The following RRAS2 variants were observed in gnomAD, a reference collection of about 807,000 sequenced individuals.
RRAS2 encodes the protein ras-related protein R-Ras2.
RRAS2 carries 7 observed loss-of-function variants against 27.6 expected under a neutral mutation model. The ratio of observed to expected loss-of-function variants is 0.25; its 90% CI spans 0.14 to 0.48. RRAS2 has a LOEUF of 0.48. Among genes scored for constraint, RRAS2 ranks in the 20% least tolerant of loss-of-function variants. The probability of loss-of-function intolerance (pLI) is 0.99; values close to 1 mark genes in which losing one functional copy is unlikely to be tolerated. For synonymous variants in RRAS2, 86 were observed against 90.9 expected (o/e 0.95, Z 0.31); for missense variants, 178 against 256.2 (o/e 0.69, Z 2.08).
chr11:14,319,658 G>A (rs1181899402), intron 1 of RRAS2, among the ~76,000 whole-genome samples: 5 of 152,210 alleles, frequency 3.3e-5, no homozygotes, highest in East Asian at 1.9e-4. Flanking sequence ...GCGCCCGGCC[G>A]GTTCCCTCTG....
At position 14,278,629 on chromosome 11, in the gene RRAS2, G is replaced by T. The variant is rs1554943811; in HGVS notation, c.*708C>A. 6.6e-6 allele frequency: 1 copy of T among 152,126 alleles called. No homozygotes were observed. The highest frequency in any genetic ancestry group is 2.4e-5 in the African/African-American group (1 of 41,442). The allele number at this position is 152,126 out of a possible 1,614,324, so 9.4% of individuals were successfully genotyped here. On this transcript the variant is annotated 3_prime_UTR_variant, in exon 6 of 6. Transcript: ENST00000256196. ...ATTATTCCTTTTTACCCTTAGCGTG[G>T]CTGTGAAAAAGAGTTAAATTAAAAA...
At chr11:14,351,930 T>C (rs1175111178) in intron 1 of RRAS2, among the ~76,000 whole-genome samples, 2 of 150,204 alleles carry the variant, frequency 1.3e-5, no homozygotes, top group Non-Finnish European at 3.0e-5. Context: ...GCAAATGCCC[T>C]GGTTTTTCGG....
intron 1 of RRAS2, among the ~76,000 whole-genome samples, chr11:14,315,237 C>T (rs1408868498): frequency 6.6e-6 from 1 of 152,170 alleles, no homozygotes; most frequent in Non-Finnish European, 1.5e-5. Context: ...ATTACCTCAG[C>T]CAGATGATCA....
chr11:14,288,799 A>T (rs1416618644), intron 4 of RRAS2, among the ~76,000 whole-genome samples: 2 of 152,228 alleles, frequency 1.3e-5, no homozygotes, highest in Non-Finnish European at 2.9e-5. Context: ...TTCCAAATAG[A>T]ATAAACTACA....
chr11:14,305,534 C>T (rs1316892066), intron 1 of RRAS2, among the ~76,000 whole-genome samples: 1 of 152,170 alleles, frequency 6.6e-6, no homozygotes, highest in Admixed American at 6.5e-5. Context: ...GCCTTCTCAG[C>T]CTGACCTAAC....
At chr11:14,326,521 A>T (rs546279463) in intron 1 of RRAS2, among the ~76,000 whole-genome samples, 1 of 152,358 alleles carries the variant, frequency 6.6e-6, no homozygotes, top group East Asian at 1.9e-4. Flanking sequence ...TACAAACATA[A>T]AATAAACAAG....
In RRAS2 at chr11:14,294,473, G is replaced by C; in HGVS notation, c.406C>G (p.Gln136Glu). ...GNKADLDHQR[Q>E]VTQEEGQQLA... Reference sequence around the variant, plus strand: ...CCAACAGTGAAATTCCTTCTCACCTGTCTTTGATGATCCAGATCTGCTTTA... The same window carrying C: ...CCAACAGTGAAATTCCTTCTCACCTCTCTTTGATGATCCAGATCTGCTTTA... Residue 136 changes from glutamine (Q) to glutamate (E), a missense_variant and splice_region_variant, in exon 4 of 6, where the codon CAG becomes GAG. Transcript: ENST00000256196. 1 of 1,564,892 alleles carries C rather than the reference G, an allele frequency of 6.4e-7. No individual in the cohort carries two copies. Among genetic ancestry groups the C allele is most frequent in the African/African-American group, 1.4e-5 (1 of 72,724 alleles).
intron 4 of RRAS2, among the ~76,000 whole-genome samples, chr11:14,293,258 G>A (rs552509442): frequency 4.7e-5 from 7 of 148,564 alleles, no homozygotes; most frequent in East Asian, 3.9e-4. Flanking sequence ...ATAGAAAGCT[G>A]CCCTCAAAGC....
intron 1 of RRAS2, among the ~76,000 whole-genome samples, chr11:14,305,905 T>C (rs868958322): frequency 6.6e-6 from 1 of 151,920 alleles, no homozygotes; most frequent in Non-Finnish European, 1.5e-5. Flanking sequence ...ATTAGTCAGA[T>C]GTGGTGGTGC....
intron 5 of RRAS2, among the ~76,000 whole-genome samples, chr11:14,280,726 C>CAAAAAAAAAAAAAAAAAA (rs58781581): frequency 4.1e-5 from 2 of 48,330 alleles, no homozygotes; most frequent in African/African-American, 1.0e-4. Flanking sequence ...ACTCTGTTTC[C>CAAAAAAAAAAAAAAAAAA]AAAAAAAAAA....
intron 1 of RRAS2, among the ~76,000 whole-genome samples, chr11:14,306,426 T>C (rs529420147): frequency 6.6e-6 from 1 of 152,274 alleles, no homozygotes; most frequent in African/African-American, 2.4e-5. Flanking sequence ...CTCAGCCTCC[T>C]GAGTAGCTGG....
chr11:14,326,815 C>T (rs1335925296), intron 1 of RRAS2, among the ~76,000 whole-genome samples: 1 of 16,148 alleles, frequency 6.2e-5, no homozygotes, highest in African/African-American at 1.1e-4. Context: ...AATCCCAGCA[C>T]TTTGGGAGGC....
intron 4 of RRAS2, among the ~76,000 whole-genome samples, chr11:14,289,494 A>C (rs1554945501): frequency 2.0e-5 from 3 of 152,248 alleles, no homozygotes; most frequent in African/African-American, 7.2e-5. Flanking sequence ...ATATTTTAGC[A>C]AAGTTAAGCA....
At chr11:14,280,639 T>C (rs1849500822) in intron 5 of RRAS2, among the ~76,000 whole-genome samples, 1 of 141,624 alleles carries the variant, frequency 7.1e-6, no homozygotes, top group Admixed American at 7.9e-5. Context: ...AGGCAGAGAA[T>C]TGCTTGAACC....
chr11:14,286,840 A>C (rs1554945109), intron 4 of RRAS2, among the ~76,000 whole-genome samples: 1 of 152,078 alleles, frequency 6.6e-6, no homozygotes, highest in Non-Finnish European at 1.5e-5. Flanking sequence ...TAAACTGATC[A>C]AGTTACCCGA....
chr11:14,364,070 AAAAAT>A (rs571462902), upstream of RRAS2, among the ~76,000 whole-genome samples: 79 of 152,186 alleles, frequency 5.2e-4, no homozygotes, highest in Non-Finnish European at 8.5e-4. Flanking sequence ...AACTCTGTCT[AAAAAT>A]AAAATAAAAT....
chr11:14,335,222 C>T (rs1284806423), intron 1 of RRAS2, among the ~76,000 whole-genome samples: 1 of 152,164 alleles, frequency 6.6e-6, no homozygotes, highest in Non-Finnish European at 1.5e-5. Context: ...TAATGGCAGG[C>T]TTCCAGAGTC....
upstream of RRAS2, among the ~76,000 whole-genome samples, chr11:14,362,161 A>G (rs2134051688): frequency 6.6e-6 from 1 of 152,220 alleles, no homozygotes; most frequent in South Asian, 2.1e-4. Context: ...TGATTGCACA[A>G]CTCTGTAAAT....
chr11:14,326,315 T>C (rs1018269094), intron 1 of RRAS2, among the ~76,000 whole-genome samples: 6 of 152,236 alleles, frequency 3.9e-5, no homozygotes, highest in African/African-American at 1.4e-4. Context: ...TATTGTGTAA[T>C]TTTTAGCATT....
Sources: gnomAD v4.1 joint callset for allele counts (sites outside exome capture counted in the v4.1 genomes callset) on GRCh38, gnomAD v4.1.1 for gene constraint, MANE v1.5 for transcripts, NCBI Gene and HGNC (gene_info 2026-07-23, HGNC 2026-07-21) for gene names.